Variants in MGAT5 observed in about 807,000 individuals in gnomAD.
The protein encoded by MGAT5 is alpha-1,6-mannosylglycoprotein 6-beta-N-acetylglucosaminyltransferase, also known as alpha-1,6-mannosylglycoprotein 6-beta-N-acetylglucosaminyltransferase A.
A neutral mutation model predicts 94.3 loss-of-function variants in MGAT5; 30 were observed. The ratio of observed to expected loss-of-function variants is 0.32; its 90% CI spans 0.24 to 0.43. MGAT5 has a LOEUF of 0.43. Ranked by LOEUF, MGAT5 falls within the 20% of genes least tolerant of loss-of-function variation. The probability of loss-of-function intolerance (pLI) is 1.00; values close to 1 mark genes in which losing one functional copy is unlikely to be tolerated. For synonymous variants in MGAT5, 310 were observed against 322.9 expected (o/e 0.96, Z 0.43); for missense variants, 691 against 905.5 (o/e 0.76, Z 3.04).
At chr2:134,245,854 A>T (rs1573603591) in intron 1 of MGAT5, among the ~76,000 whole-genome samples, 1 of 152,156 alleles carries the variant, frequency 6.6e-6, no homozygotes, top group East Asian at 1.9e-4. Context: ...CACTGAGTGG[A>T]TGGTATAACT....
At chr2:134,164,580 G>T (rs982728457) in intron 1 of MGAT5, among the ~76,000 whole-genome samples, 4 of 152,014 alleles carry the variant, frequency 2.6e-5, no homozygotes, top group African/African-American at 9.7e-5. Context: ...GAATGCAAGG[G>T]CTTACTATGA....
Position 134,450,012 on chromosome 2 carries a change from G to A in MGAT5, c.*1165G>A, listed in dbSNP as rs369057918. On this transcript the variant is annotated 3_prime_UTR_variant, in exon 16 of 16. Transcript: ENST00000281923. ...TGTAGCTCGCAAAGGTGGGAATCTG[G>A]TGCTGGCTTTTCCTTCAGGCAGGAT... 1 of 152,234 alleles carries A rather than the reference G, an allele frequency of 6.6e-6. No homozygotes were observed. The highest frequency in any genetic ancestry group is 1.5e-5 in the Non-Finnish European group (1 of 68,174). 9.4% of individuals were successfully genotyped at this position (152,234 alleles called of 1,614,324 possible).
chr2:134,406,382 T>G (rs1363341144), intron 11 of MGAT5, among the ~76,000 whole-genome samples: 1 of 152,108 alleles, frequency 6.6e-6, no homozygotes, highest in Non-Finnish European at 1.5e-5. Flanking sequence ...TTCATTCACC[T>G]CTCCAAGACT....
chr2:134,327,508 G>A (rs996007734), intron 4 of MGAT5, among the ~76,000 whole-genome samples: 3 of 152,104 alleles, frequency 2.0e-5, no homozygotes, highest in African/African-American at 7.2e-5. Context: ...AATGTGAGTG[G>A]GTTGTGTCTA....
At chr2:134,289,734 G>C (rs1476183972) in intron 2 of MGAT5, among the ~76,000 whole-genome samples, 1 of 152,142 alleles carries the variant, frequency 6.6e-6, no homozygotes, top group Non-Finnish European at 1.5e-5. Flanking sequence ...CACATGTTAG[G>C]TACAGTGACC....
intron 1 of MGAT5, among the ~76,000 whole-genome samples, chr2:134,154,804 A>C (rs1687398246): frequency 1.3e-5 from 2 of 152,214 alleles, no homozygotes; most frequent in Admixed American, 1.3e-4. Flanking sequence ...CAAGTTAATT[A>C]AAGAGAAACT....
intron 1 of MGAT5, among the ~76,000 whole-genome samples, chr2:134,182,652 G>A (rs890329724): frequency 5.9e-5 from 9 of 152,042 alleles, no homozygotes; most frequent in Non-Finnish European, 1.0e-4. Context: ...TCCCGTTTCC[G>A]GTCACTGTCA....
chr2:134,273,728 C>T (rs986324871), intron 2 of MGAT5, among the ~76,000 whole-genome samples: 4 of 151,610 alleles, frequency 2.6e-5, no homozygotes, highest in Admixed American at 6.6e-5. Context: ...AATTTATCAC[C>T]GAGGGTTTTT....
At chr2:134,162,191 A>G (rs1687768965) in intron 1 of MGAT5, among the ~76,000 whole-genome samples, 1 of 151,984 alleles carries the variant, frequency 6.6e-6, no homozygotes, top group South Asian at 2.1e-4. Context: ...CTCCATGTCA[A>G]AAAAAAACAA....
At chr2:134,334,215 C>G (rs922851070) in intron 4 of MGAT5, among the ~76,000 whole-genome samples, 1 of 152,172 alleles carries the variant, frequency 6.6e-6, no homozygotes, top group African/African-American at 2.4e-5. Context: ...TTACAGTCTT[C>G]AGGCTTCTGT....
intron 4 of MGAT5, among the ~76,000 whole-genome samples, chr2:134,327,951 T>C (rs554287653): frequency 7.2e-5 from 11 of 152,298 alleles, no homozygotes; most frequent in African/African-American, 2.4e-4. Flanking sequence ...AATGTCCTTA[T>C]GTGGATACAG....
chr2:134,448,177 C>T (rs1685898128), intron 15 of MGAT5, among the ~76,000 whole-genome samples: 2 of 152,244 alleles, frequency 1.3e-5, no homozygotes, highest in South Asian at 4.1e-4. Flanking sequence ...GCCGTCTCGA[C>T]TTGCAGCCTT....
At chr2:134,227,277 T>G (rs1207040837) in intron 1 of MGAT5, among the ~76,000 whole-genome samples, 2 of 152,166 alleles carry the variant, frequency 1.3e-5, no homozygotes, top group Non-Finnish European at 2.9e-5. Flanking sequence ...AGTGAGAAAC[T>G]TGACCCTGGG....
intron 1 of MGAT5, among the ~76,000 whole-genome samples, chr2:134,134,155 C>T (rs770142448): frequency 3.3e-5 from 5 of 152,198 alleles, no homozygotes; most frequent in Non-Finnish European, 5.9e-5. Context: ...AGTCCAGAAC[C>T]TGGCATGCAA....
At chr2:134,282,369 A>C (rs1684747675) in intron 2 of MGAT5, among the ~76,000 whole-genome samples, 1 of 152,230 alleles carries the variant, frequency 6.6e-6, no homozygotes, top group Non-Finnish European at 1.5e-5. Context: ...ACCAGTGACC[A>C]TACAGCCATC....
intron 1 of MGAT5, among the ~76,000 whole-genome samples, chr2:134,142,340 G>A (rs1305560897): frequency 6.6e-6 from 1 of 152,226 alleles, no homozygotes; most frequent in Non-Finnish European, 1.5e-5. Flanking sequence ...TACAGGCTGA[G>A]CCAAAGAGAA....
At chr2:134,353,525 A>G (rs1346989302) in intron 9 of MGAT5, among the ~76,000 whole-genome samples, 4 of 152,234 alleles carry the variant, frequency 2.6e-5, no homozygotes, top group African/African-American at 9.6e-5. Flanking sequence ...AATTGCTAGG[A>G]TACTACCTCA....
intron 1 of MGAT5, among the ~76,000 whole-genome samples, chr2:134,196,500 A>C (rs1679502456): frequency 6.6e-6 from 1 of 152,240 alleles, no homozygotes; most frequent in African/African-American, 2.4e-5. Flanking sequence ...TTTTCAAAGC[A>C]AAGTGATCAT....
intron 1 of MGAT5, among the ~76,000 whole-genome samples, chr2:134,198,072 G>C (rs536969047): frequency 6.6e-6 from 1 of 152,286 alleles, no homozygotes; most frequent in African/African-American, 2.4e-5. Context: ...TCCCATTTGG[G>C]CCTTGTCATC....
Sources: allele counts gnomAD v4.1 joint callset (sites outside exome capture counted in the v4.1 genomes callset), GRCh38; gene constraint gnomAD v4.1.1; transcripts MANE v1.5; gene names NCBI Gene and HGNC (gene_info 2026-07-23, HGNC 2026-07-21).